The following PKD2L2 variants were observed in gnomAD, a reference collection of about 807,000 sequenced individuals.
The protein encoded by PKD2L2 is polycystin 2 like 2, transient receptor potential cation channel, also known as polycystin-2-like protein 2.
In PKD2L2, 67 loss-of-function variants were observed where a neutral mutation model predicts 83.9. That is an observed-to-expected ratio of 0.80 (90% CI 0.66 to 0.98). The LOEUF (loss-of-function observed/expected upper bound fraction) is 0.98, where lower values mean the gene tolerates loss of function less well. Among genes scored for constraint, PKD2L2 ranks in the 50% least tolerant of loss-of-function variants. The pLI is 0.00. For synonymous variants in PKD2L2, 223 were observed against 237.8 expected (o/e 0.94, Z 0.57); for missense variants, 632 against 717.2 (o/e 0.88, Z 1.36).
intron 9 of PKD2L2, among the ~76,000 whole-genome samples, chr5:137,922,148 G>C (rs1017469589): frequency 2.0e-5 from 3 of 152,234 alleles, no homozygotes; most frequent in Non-Finnish European, 4.4e-5. Flanking sequence ...TATCAGGATG[G>C]ATCTCTCACA....
At chr5:137,913,871 CT>C (rs757741042) in intron 8 of PKD2L2, among the ~76,000 whole-genome samples, 322 of 139,794 alleles carry the variant, frequency 2.3e-3, no homozygotes, top group Non-Finnish European at 3.3e-3. Context: ...TTTTCTTTTC[CT>C]TTTTTTTTTT....
chr5:137,895,877 CAAAAAAAAA>C (rs375612119), intron 4 of PKD2L2, among the ~76,000 whole-genome samples: 2 of 90,146 alleles, frequency 2.2e-5, no homozygotes, highest in African/African-American at 8.0e-5. Flanking sequence ...GACACAGTCT[CAAAAAAAAA>C]AAAAAAAAGG....
At chr5:137,935,531 GAA>G (rs1760255602) in intron 12 of PKD2L2, among the ~76,000 whole-genome samples, 1 of 152,186 alleles carries the variant, frequency 6.6e-6, no homozygotes, top group African/African-American at 2.4e-5. Context: ...ATGCTAAAGG[GAA>G]AAGGCAGTGA....
chr5:137,926,159 G>C (rs1215780970), intron 12 of PKD2L2, among the ~76,000 whole-genome samples: 1 of 152,152 alleles, frequency 6.6e-6, no homozygotes, highest in Non-Finnish European at 1.5e-5. Context: ...TAATCCTACA[G>C]GTGTACACTC....
intron 14 of PKD2L2, chr5:137,940,329 G>A (rs1761260411): frequency 3.7e-6 from 6 of 1,604,194 alleles, no homozygotes; most frequent in Non-Finnish European, 5.1e-6. Context: ...ACTGGAACAC[G>A]ATCCTCTTTC....
chr5:137,939,782 T>C (rs1761110019), intron 14 of PKD2L2: 1 of 1,091,746 alleles, frequency 9.2e-7, no homozygotes. Flanking sequence ...TAGGCTTTTC[T>C]TTCAAATTTT....
In PKD2L2 at chr5:137,928,887, T is replaced by C. The variant is rs140564095; in HGVS notation, c.1671+2958T>C. Among the ~76,000 whole-genome samples the C allele has an allele frequency of 2.0e-5, 3 of 152,332 alleles. No individual in the cohort carries two copies. In the East Asian group the frequency reaches 5.8e-4, roughly 29 times the overall value. On this transcript the variant is annotated intron_variant, in intron 12 of 14. Transcript: ENST00000508883. ...CTGTGCCCAGCCCTATTTTATTGATTTTAAAACACATTTTTTTTCACATTT... is the reference window on the plus strand; with the variant it reads ...CTGTGCCCAGCCCTATTTTATTGATCTTAAAACACATTTTTTTTCACATTT...
intron 10 of PKD2L2, among the ~76,000 whole-genome samples, chr5:137,924,698 T>C (rs1031065804): frequency 1.3e-5 from 2 of 152,314 alleles, no homozygotes; most frequent in Non-Finnish European, 2.9e-5. Context: ...TTAGTTTGCT[T>C]TTTTCCCCAT....
At chr5:137,928,270 G>C (rs1759538495) in intron 12 of PKD2L2, among the ~76,000 whole-genome samples, 1 of 151,590 alleles carries the variant, frequency 6.6e-6, no homozygotes, top group Admixed American at 6.6e-5. Flanking sequence ...GACTGGAGAG[G>C]CTGGGCGAGC....
At chr5:137,898,765 C>T (rs191187187) in intron 4 of PKD2L2, among the ~76,000 whole-genome samples, 5 of 151,846 alleles carry the variant, frequency 3.3e-5, no homozygotes, top group African/African-American at 9.7e-5. Context: ...ACTTGGTCAC[C>T]CAGGCTGGAG....
rs758483446 is a variant in PKD2L2, at chr5:137,899,601, T to A, written c.610T>A (p.Leu204Ile). Residue 204 changes from leucine (L) to isoleucine (I), a missense_variant, in exon 5 of 15, where the codon TTA becomes ATA. Physicochemically the swap from Leu to Ile is conservative, Grantham distance 5. Around this residue, in one of 3 missense-constraint regions of PKD2L2, gnomAD observed 229 missense variants for 281.5 expected, o/e 0.81. Coordinates refer to ENST00000508883, the MANE Select transcript of PKD2L2 (RefSeq NM_001300921.2). ...CCGAAATGGGGGATACATTTTCACT[T>A]TATCAAAATCGAAATCTGAAACCAA... ...VYRNGGYIFT[L>I]SKSKSETKNK... 4.5e-5 allele frequency: 73 copies of A among 1,613,886 alleles called. No homozygotes were observed. Among genetic ancestry groups the A allele is most frequent in the Non-Finnish European group, 6.0e-5 (71 of 1,179,850 alleles).
At chr5:137,940,426 C>T (rs1761321449) in intron 14 of PKD2L2, 4 of 807,710 alleles carry the variant, frequency 5.0e-6, no homozygotes, top group Non-Finnish European at 7.8e-6. Flanking sequence ...TAATATGAGA[C>T]ATACTGTTAC....
At chr5:137,893,501 G>A (rs1005633973) in intron 3 of PKD2L2, among the ~76,000 whole-genome samples, 1 of 152,178 alleles carries the variant, frequency 6.6e-6, no homozygotes, top group Non-Finnish European at 1.5e-5. Flanking sequence ...ACAAGGCAGA[G>A]AACGCTTCCA....
chr5:137,908,043 AG>A (rs1757503134), intron 7 of PKD2L2, 131 bp downstream of exon 7: 1 of 479,442 alleles, frequency 2.1e-6, no homozygotes, highest in East Asian at 3.3e-5. Context: ...GGGCCAGCAC[AG>A]TGGCTCATAC....
At chr5:137,916,284 TC>T (rs1758336195) in intron 8 of PKD2L2, among the ~76,000 whole-genome samples, 1 of 151,976 alleles carries the variant, frequency 6.6e-6, no homozygotes. Context: ...CAAGCAATTC[TC>T]CTGCCTCAGT....
chr5:137,929,360 C>G (rs1251896376), intron 12 of PKD2L2, among the ~76,000 whole-genome samples: 4 of 151,478 alleles, frequency 2.6e-5, no homozygotes, highest in Non-Finnish European at 5.9e-5. Context: ...ACTTGGGAGG[C>G]TGAGGCAGGA....
intron 5 of PKD2L2, among the ~76,000 whole-genome samples, chr5:137,901,173 A>G (rs1481693758): frequency 1.3e-5 from 2 of 152,200 alleles, no homozygotes; most frequent in East Asian, 3.9e-4. Context: ...AAAAGTCATC[A>G]TGTGACAACT....
chr5:137,930,844 AT>A (rs1759819496), intron 12 of PKD2L2, among the ~76,000 whole-genome samples: 2 of 152,056 alleles, frequency 1.3e-5, no homozygotes, highest in Admixed American at 6.5e-5. Flanking sequence ...TTTCAAAAAA[AT>A]GATAAATACC....
intron 12 of PKD2L2, among the ~76,000 whole-genome samples, chr5:137,929,637 T>C (rs1034212116): frequency 2.1e-5 from 3 of 141,844 alleles, no homozygotes; most frequent in Admixed American, 7.2e-5. Context: ...CATAAATACA[T>C]GCAAATAAGC....
Sources: allele counts gnomAD v4.1 joint callset (sites outside exome capture counted in the v4.1 genomes callset), GRCh38; gene constraint gnomAD v4.1.1; regional missense constraint gnomAD v4.1.1; transcripts MANE v1.5; gene names NCBI Gene and HGNC (gene_info 2026-07-23, HGNC 2026-07-21).